CELF3: variants seen among roughly 807,000 people sequenced by gnomAD.
The protein encoded by CELF3 is CUGBP Elav-like family member 3, also known as CAG repeat domain.
Under a neutral mutation model 59.6 loss-of-function variants are expected in CELF3, and 26 were observed. The observed-to-expected ratio is 0.44, with a 90% CI of 0.32 to 0.61. The LOEUF is 0.61. CELF3 is among the 20% of genes least tolerant of loss of function. The pLI, the probability that CELF3 is intolerant of heterozygous loss-of-function variation, is 0.06. For missense variants in CELF3, 387 were observed against 627.2 expected (o/e 0.62, Z 4.09); for synonymous variants, 245 against 250.7 (o/e 0.98, Z 0.22).
intron 1 of CELF3, 65 bp downstream of exon 1, chr1:151,715,811 C>T (rs1040608259): frequency 8.1e-6 from 13 of 1,595,464 alleles, no homozygotes; most frequent in Non-Finnish European, 1.0e-5. Context: ...CCCCTCCAGC[C>T]TGGCTTAACT....
chr1:151,704,950 G>A, intron 12 of CELF3, 81 bp downstream of exon 12: 1 of 1,463,048 alleles, frequency 6.8e-7, no homozygotes, highest in Non-Finnish European at 9.3e-7. Context: ...GGAGGACAGG[G>A]GTTGGGGGTG....
rs772175038 is a variant in CELF3 at position 151,709,272 on chromosome 1, G to A, written c.354C>T (p.Phe118=). 3.7e-6 allele frequency: 6 copies of A among 1,614,054 alleles called. No individual in the cohort carries two copies. Among genetic ancestry groups the A allele is most frequent in the East Asian group, 4.5e-5 (2 of 44,884 alleles). ...GCACAGTGCACTCGTCGATGGTCCC[G>A]AAGGGCTCAAACATCTTCCGGACGT... The part of the protein sequence containing the change: ...DEDVRKMFEP[F]GTIDECTVLR... The change falls in exon 4 of 13, where the codon TTC becomes TTT. Residue 118 remains phenylalanine (F), a synonymous_variant. Transcript: ENST00000290583. The surrounding 1 kb of genome is among the most constrained non-coding windows in gnomAD (Gnocchi z 4.9).
chr1:151,715,795 G>C (rs114505252), intron 1 of CELF3, 81 bp downstream of exon 1: 185 of 1,593,762 alleles, frequency 1.2e-4, no homozygotes, highest in Non-Finnish European at 1.4e-4. Flanking sequence ...CTTCCCAGCC[G>C]CTCCACCCCT....
chr1:151,702,243 TCA>T lies in CELF3; in HGVS notation c.*1214_*1215del, dbSNP rs1481351184. Among the ~76,000 whole-genome samples the T allele has an allele frequency of 6.6e-6, 1 of 152,072 alleles. No individual in the cohort carries two copies. Among genetic ancestry groups the T allele is most frequent in the African/African-American group, 2.4e-5 (1 of 41,376 alleles). On this transcript the variant is annotated 3_prime_UTR_variant, in exon 13 of 13. Coordinates refer to ENST00000290583, the MANE Select transcript of CELF3 (RefSeq NM_007185.7). Reference sequence around the variant, plus strand: ...CCCAAAGAAGGGCTGAAGGACAGGATCATGAAGCCATGAACAAGGCCTGGATG... The same window carrying T: ...CCCAAAGAAGGGCTGAAGGACAGGATTGAAGCCATGAACAAGGCCTGGATG...
At position 151,706,246 on chromosome 1, in the gene CELF3, TTGCTGC is replaced by T. The variant is rs746113287; in HGVS notation, c.1098_1103del (p.Gln372_Gln373del). On this transcript the variant is annotated inframe_deletion, in exon 10 of 13. Transcript: ENST00000290583. ...CACCTTCTCTTTGCTGCTGCTGCTG[TTGCTGC>T]TGCTGCTGCTGCTGCTGCTGTTGAG... is the stretch of plus-strand genomic sequence containing the variant. 35 of 1,597,574 alleles carry T rather than the reference TTGCTGC, an allele frequency of 2.2e-5. No individual in the cohort carries two copies. Among genetic ancestry groups the T allele is most frequent in the African/African-American group, 6.7e-5 (5 of 74,410 alleles).
chr1:151,710,165 C>A, intron 2 of CELF3: 1 of 267,022 alleles, frequency 3.7e-6, no homozygotes, highest in Non-Finnish European at 7.4e-6. Context: ...ACAAAGTGGG[C>A]GCAACAGAGG....
Position 151,701,619 on chromosome 1 carries a change from T to G in CELF3, c.*1840A>C, listed in dbSNP as rs1672081138. On this transcript the variant is annotated 3_prime_UTR_variant, in exon 13 of 13. Transcript: ENST00000290583. ...AGCCTCCTTTTCCCATCTATAAAAT[T>G]ATATCCTACCTAGGCTGGGCGTGGT... is the stretch of plus-strand genomic sequence containing the variant. Among the ~76,000 whole-genome samples the G allele has an allele frequency of 6.6e-6, 1 of 152,084 alleles. No homozygotes were observed. The highest frequency in any genetic ancestry group is 2.1e-4 in the South Asian group (1 of 4,812).
intron 2 of CELF3, chr1:151,710,612 C>T (rs536714100): frequency 3.9e-5 from 18 of 456,382 alleles, no homozygotes; most frequent in South Asian, 2.6e-4. Context: ...ATCCCTTCTC[C>T]TGCCTCCCTC....
chr1:151,706,534 C>T, intron 9 of CELF3, 135 bp downstream of exon 9: 1 of 1,212,156 alleles, frequency 8.2e-7, no homozygotes, highest in South Asian at 1.4e-5. Flanking sequence ...AGACCCCTCC[C>T]CACAGTTGGG....
chr1:151,713,021 C>T (rs1296010075), intron 2 of CELF3, among the ~76,000 whole-genome samples: 1 of 152,196 alleles, frequency 6.6e-6, no homozygotes, highest in Non-Finnish European at 1.5e-5. Flanking sequence ...GGGTCACAGA[C>T]ATCTGCTCCC....
rs1002392431 is a variant in CELF3, at chr1:151,704,914, G to A, written c.*10+117C>T. ...CTGCTTCAAGTGCCCAGGGTCAAGG[G>A]TGGGGTGGGCATCCCTGAGGGTGGT... On this transcript the variant is annotated intron_variant, in intron 12 of 12. Transcript: ENST00000290583. 8.7e-6 allele frequency: 10 copies of A among 1,153,086 alleles called. No individual in the cohort carries two copies. In the East Asian group the frequency reaches 2.5e-4, roughly 29 times the overall value. The allele number at this position is 1,153,086 out of a possible 1,614,324, so 71.4% of individuals were successfully genotyped here.
Position 151,705,086 on chromosome 1 carries a change from G to A in CELF3, c.1353C>T (p.Leu451=). The part of the protein sequence containing the change: ...MNGFQIGMKR[L]KVQLKRPKDA... Reference sequence around the variant, plus strand: ...CCTTAGGCCGCTTTAGCTGGACTTTGAGGCGCTTCATGCCGATCTGGAAGC... The same window carrying A: ...CCTTAGGCCGCTTTAGCTGGACTTTAAGGCGCTTCATGCCGATCTGGAAGC... Residue 451 remains leucine, a synonymous_variant, in exon 12 of 13, where the codon CTC becomes CTT. Transcript: ENST00000290583. The surrounding 1 kb of genome is among the most constrained non-coding windows in gnomAD (Gnocchi z 5.1). The A allele has an allele frequency of 6.2e-7, 1 of 1,614,026 alleles. No individual in the cohort carries two copies. The highest frequency in any genetic ancestry group is 8.5e-7 in the Non-Finnish European group (1 of 1,179,906).
rs1032776371 is a variant in CELF3, at chr1:151,703,363, C to A, written c.*96G>T. The A allele has an allele frequency of 4.6e-6, 2 of 438,238 alleles. No homozygotes were observed. The highest frequency in any genetic ancestry group is 9.2e-6 in the Non-Finnish European group (2 of 217,510). 27.1% of individuals were successfully genotyped at this position (438,238 alleles called of 1,614,324 possible). On this transcript the variant is annotated 3_prime_UTR_variant, in exon 13 of 13. Coordinates refer to ENST00000290583, the MANE Select transcript of CELF3 (RefSeq NM_007185.7). ...AGCAGCGTTTGCCCCAGAACCCAGT[C>A]AAGGCCCAGGGCAGGTGTGCGGAGA...
At position 151,703,384 on chromosome 1, in the gene CELF3, G is replaced by A. The variant is rs1473614857; in HGVS notation, c.*75C>T. 14 of 411,314 alleles carry A rather than the reference G, an allele frequency of 3.4e-5. No individual in the cohort carries two copies. Among genetic ancestry groups the A allele is most frequent in the African/African-American group, 8.2e-5 (4 of 48,930 alleles). The allele number at this position is 411,314 out of a possible 1,614,324, so 25.5% of individuals were successfully genotyped here. Reference sequence around the variant, plus strand: ...CAGTCAAGGCCCAGGGCAGGTGTGCGGAGAGGGCCGGGGCCAGTCGTGGGA... The same window carrying A: ...CAGTCAAGGCCCAGGGCAGGTGTGCAGAGAGGGCCGGGGCCAGTCGTGGGA... On this transcript the variant is annotated 3_prime_UTR_variant, in exon 13 of 13. Transcript: ENST00000290583.
rs1672520423 is a variant in CELF3 at position 151,706,258 on chromosome 1, C to T, written c.1092G>A (p.Gln364=). 13 of 1,589,416 alleles carry T rather than the reference C, an allele frequency of 8.2e-6. No individual in the cohort carries two copies. The highest frequency in any genetic ancestry group is 1.0e-5 in the Non-Finnish European group (12 of 1,168,326). Residue 364 remains glutamine, a synonymous_variant, in exon 10 of 13, where the codon CAG becomes CAA. Coordinates refer to ENST00000290583, the MANE Select transcript of CELF3 (RefSeq NM_007185.7). ...GCTGCTGCTGCTGTTGCTGCTGCTGCTGCTGCTGCTGCTGTTGAGGTGGTG... is the reference window on the plus strand; with the variant it reads ...GCTGCTGCTGCTGTTGCTGCTGCTGTTGCTGCTGCTGCTGTTGAGGTGGTG... ...PPPPPQQQQQ[Q]QQQQQQQQQR...
At position 151,708,986 on chromosome 1, in the gene CELF3, A is replaced by G; in HGVS notation, c.486+12T>C. On this transcript the variant is annotated intron_variant, in intron 5 of 12. Coordinates refer to ENST00000290583, the MANE Select transcript of CELF3 (RefSeq NM_007185.7). ...GGAAGGAGAGGCCCGGGGGCAGGGG[A>G]GTGGGGCTCACTGGCAGGGTCCGGC... 1 of 1,612,078 alleles carries G rather than the reference A, an allele frequency of 6.2e-7. No individual in the cohort carries two copies. The highest frequency in any genetic ancestry group is 8.5e-7 in the Non-Finnish European group (1 of 1,179,266).
chr1:151,711,104 C>T (rs935302212), intron 2 of CELF3: 9 of 331,394 alleles, frequency 2.7e-5, no homozygotes, highest in South Asian at 2.5e-5. Context: ...GATTTGAGGA[C>T]TAGCCCTGCC....
chr1:151,700,832 A>G lies in CELF3; in HGVS notation c.*2627T>C, dbSNP rs1179064069. ...ATAGAAATATATGAGTCAGGACTTT[A>G]TGGGAGAAAGTTTTAGCATTGGCCC... On this transcript the variant is annotated 3_prime_UTR_variant, in exon 13 of 13. Coordinates refer to ENST00000290583, the MANE Select transcript of CELF3 (RefSeq NM_007185.7). Among the ~76,000 whole-genome samples the G allele has an allele frequency of 1.3e-5, 2 of 152,206 alleles. No individual in the cohort carries two copies. Among genetic ancestry groups the G allele is most frequent in the Non-Finnish European group, 2.9e-5 (2 of 68,038 alleles).
Position 151,705,685 on chromosome 1 carries a change from T to C in CELF3, c.1270+137A>G. On this transcript the variant is annotated intron_variant, in intron 11 of 12. Coordinates refer to ENST00000290583, the MANE Select transcript of CELF3 (RefSeq NM_007185.7). This position sits in a 1 kb window ranked among gnomAD's most constrained non-coding sequence, Gnocchi z 5.1. ...AGCTGGGTGTGGCATGTTGGGTGTG[T>C]CAAAATGGCTCTTTTGTACTCTTGG... The C allele has an allele frequency of 1.0e-6, 1 of 957,914 alleles. No homozygotes were observed. The highest frequency in any genetic ancestry group is 2.5e-5 in the Admixed American group (1 of 40,142). The allele number at this position is 957,914 out of a possible 1,614,324, so 59.3% of individuals were successfully genotyped here.
Sources: gnomAD v4.1 joint callset for allele counts (sites outside exome capture counted in the v4.1 genomes callset) on GRCh38, gnomAD v4.1.1 for gene constraint, Gnocchi (gnomAD v3.1) non-coding constraint, MANE v1.5 for transcripts, NCBI Gene and HGNC (gene_info 2026-07-23, HGNC 2026-07-21) for gene names.